The following IQGAP2 variants were observed in gnomAD, a reference collection of about 807,000 sequenced individuals.
The protein encoded by IQGAP2 is IQ motif containing GTPase activating protein 2.
IQGAP2 carries 173 observed loss-of-function variants against 201.3 expected under a neutral mutation model. That is an observed-to-expected ratio of 0.86 (90% CI 0.76 to 0.98). The LOEUF (loss-of-function observed/expected upper bound fraction) is 0.98, where lower values mean the gene tolerates loss of function less well. IQGAP2 is among the 50% of genes least tolerant of loss of function. The pLI, the probability that IQGAP2 is intolerant of heterozygous loss-of-function variation, is 0.00. For missense variants in IQGAP2, 1,687 were observed against 1,864.8 expected, an observed-to-expected ratio of 0.90 and a Z score of 1.76; for synonymous variants, 675 against 673.9, an observed-to-expected ratio of 1.00 and a Z score of -0.03.
chr5:76,534,935 A>G (rs2150211682), intron 2 of IQGAP2, among the ~76,000 whole-genome samples: 1 of 152,326 alleles, frequency 6.6e-6, no homozygotes, highest in South Asian at 2.1e-4. Context: ...CCTTTATTTT[A>G]TCAAAATCCT....
chr5:76,562,187 C>T (rs945100919), intron 2 of IQGAP2, among the ~76,000 whole-genome samples: 2 of 152,280 alleles, frequency 1.3e-5, no homozygotes, highest in South Asian at 2.1e-4. Flanking sequence ...GTGAGCTCAG[C>T]GCTTCTGGGC....
At chr5:76,429,498 G>A (rs1270886567) in intron 1 of IQGAP2, among the ~76,000 whole-genome samples, 3 of 150,642 alleles carry the variant, frequency 2.0e-5, no homozygotes, top group Non-Finnish European at 3.0e-5. Context: ...TGTGAACCCG[G>A]GAGGCGGAGC....
intron 30 of IQGAP2, among the ~76,000 whole-genome samples, chr5:76,690,542 G>A (rs1746174994): frequency 6.6e-6 from 1 of 152,134 alleles, no homozygotes; most frequent in Admixed American, 6.5e-5. Context: ...TGGAAGGCAG[G>A]CCTCTCAGAG....
At chr5:76,463,851 T>C (rs1754625867) in intron 2 of IQGAP2, among the ~76,000 whole-genome samples, 1 of 151,854 alleles carries the variant, frequency 6.6e-6, no homozygotes, top group Non-Finnish European at 1.5e-5. Context: ...TTTTTCTTTT[T>C]CTTTTTTTTT....
chr5:76,404,364 C>A, intron 1 of IQGAP2: 2 of 643,754 alleles, frequency 3.1e-6, no homozygotes, highest in Non-Finnish European at 3.9e-6. Context: ...TTAACACCAA[C>A]CACGTGGCTT....
intron 2 of IQGAP2, among the ~76,000 whole-genome samples, chr5:76,503,174 C>CTTTTTTTTTTTTTTTTTTTTTTTTT (rs11297908): frequency 9.1e-6 from 1 of 109,356 alleles, no homozygotes; most frequent in Non-Finnish European, 1.8e-5. Flanking sequence ...CTTTTCTTTT[C>CTTTTTTTTTTTTTTTTTTTTTTTTT]TTTTTTTTTT....
intron 2 of IQGAP2, among the ~76,000 whole-genome samples, chr5:76,462,108 T>A (rs1754490648): frequency 6.6e-6 from 1 of 152,230 alleles, no homozygotes; most frequent in Non-Finnish European, 1.5e-5. Flanking sequence ...TTTCCCTGCC[T>A]CGGAGCCTCC....
At chr5:76,634,951 G>A (rs1051558036) in intron 15 of IQGAP2, among the ~76,000 whole-genome samples, 4 of 152,206 alleles carry the variant, frequency 2.6e-5, no homozygotes, top group Non-Finnish European at 5.9e-5. Flanking sequence ...TGGAGCCCAT[G>A]CTGGAAAGTA....
Position 76,660,125 on chromosome 5 carries a change from C to T in IQGAP2, c.2529+1458C>T, listed in dbSNP as rs3797437. 7 of 152,054 alleles carry T rather than the reference C, an allele frequency of 4.6e-5. No homozygotes were observed. In the East Asian group the frequency reaches 1.2e-3, roughly 25 times the overall value. The allele number at this position is 152,054 out of a possible 1,614,324, so 9.4% of individuals were successfully genotyped here. ...AGAGCGCCAGCGGCCAGCAACCAAG[C>T]GAACGTTCTGGACAACGGGGAGATG... is the stretch of plus-strand genomic sequence containing the variant. On this transcript the variant is annotated intron_variant, in intron 21 of 35. Transcript: ENST00000274364.
At chr5:76,620,346 T>C (rs539456985) in intron 13 of IQGAP2, among the ~76,000 whole-genome samples, 129 of 140,086 alleles carry the variant, frequency 9.2e-4, no homozygotes, top group Non-Finnish European at 1.9e-3. Context: ...GAGACTCTGA[T>C]GGCGGCTTAA....
Position 76,508,492 on chromosome 5 carries a change from G to A in IQGAP2, c.146+46823G>A, listed in dbSNP as rs190500911. Among the ~76,000 whole-genome samples, 45 of 152,208 alleles carry A rather than the reference G, an allele frequency of 3.0e-4. 1 individual carries two copies. The South Asian group carries it at 6.8e-3, about 23-fold the overall frequency. On this transcript the variant is annotated intron_variant, in intron 2 of 35. Transcript: ENST00000274364. ...CTTAGAATGGCCTTTATGATGGGCTGGTACAGAGGGTGGCTTCCAGAACCC... is the reference window on the plus strand; with the variant it reads ...CTTAGAATGGCCTTTATGATGGGCTAGTACAGAGGGTGGCTTCCAGAACCC...
In IQGAP2 at chr5:76,620,858, C is replaced by A. The variant is rs533293586; in HGVS notation, c.1522-6552C>A. On this transcript the variant is annotated intron_variant, in intron 13 of 35. Coordinates refer to ENST00000274364, the MANE Select transcript of IQGAP2 (RefSeq NM_006633.5). ...TAGAAACACATCAACTATATGCTAT[C>A]AATATTTGGTGTTACTTGGCATGTT... Among the ~76,000 whole-genome samples the A allele has an allele frequency of 2.0e-5, 3 of 152,302 alleles. No individual in the cohort carries two copies. In the South Asian group the frequency reaches 6.2e-4, roughly 32 times the overall value.
chr5:76,698,235 T>C (rs1318955071), intron 33 of IQGAP2, 88 bp downstream of exon 33: 1 of 1,021,614 alleles, frequency 9.8e-7, no homozygotes, highest in Non-Finnish European at 1.4e-6. Flanking sequence ...GGGTTGGGTA[T>C]GGAAGAAAAC....
chr5:76,635,204 C>T (rs1164031672), intron 15 of IQGAP2, among the ~76,000 whole-genome samples: 1 of 152,212 alleles, frequency 6.6e-6, no homozygotes, highest in Non-Finnish European at 1.5e-5. Context: ...TTTATCTTCT[C>T]TCTCCTAAAC....
At chr5:76,582,133 C>T (rs1030127735) in intron 5 of IQGAP2, among the ~76,000 whole-genome samples, 2 of 152,078 alleles carry the variant, frequency 1.3e-5, no homozygotes, top group South Asian at 2.1e-4. Flanking sequence ...GAGAGGCTGC[C>T]GAAGGTCACA....
At chr5:76,515,793 G>A (rs890063527) in intron 2 of IQGAP2, among the ~76,000 whole-genome samples, 3 of 151,230 alleles carry the variant, frequency 2.0e-5, no homozygotes, top group Non-Finnish European at 4.4e-5. Context: ...TAAAAATGAA[G>A]GTCAAGAAAA....
intron 2 of IQGAP2, among the ~76,000 whole-genome samples, chr5:76,522,125 G>A (rs1304965119): frequency 1.3e-5 from 2 of 152,020 alleles, no homozygotes; most frequent in Non-Finnish European, 2.9e-5. Context: ...ACAAAGCTGG[G>A]CCACATTGCT....
Position 76,438,763 on chromosome 5 carries a change from A to G in IQGAP2, c.47-22807A>G, listed in dbSNP as rs573125823. The stretch of plus-strand genomic sequence containing the variant: ...TGGCCTTCATTTTCATTTCTAATTG[A>G]GTTTGTTTGAATCTTCTCTCTCATT... On this transcript the variant is annotated intron_variant, in intron 1 of 35. Transcript: ENST00000274364. 2.6e-5 allele frequency among the ~76,000 whole-genome samples: 4 copies of G among 152,082 alleles called. No individual in the cohort carries two copies. In the South Asian group the frequency reaches 8.3e-4, roughly 32 times the overall value.
chr5:76,703,592 C>G (rs925519515), intron 35 of IQGAP2, among the ~76,000 whole-genome samples: 4 of 146,106 alleles, frequency 2.7e-5, no homozygotes, highest in African/African-American at 1.0e-4. Flanking sequence ...GTTATTTTAT[C>G]ATAAGAGCCA....
Sources: allele counts gnomAD v4.1 joint callset (sites outside exome capture counted in the v4.1 genomes callset), GRCh38; gene constraint gnomAD v4.1.1; transcripts MANE v1.5; gene names NCBI Gene and HGNC (gene_info 2026-07-23, HGNC 2026-07-21).